The following C8orf34 variants were observed in gnomAD, a reference collection of about 807,000 sequenced individuals.
The protein encoded by C8orf34 is uncharacterized protein C8orf34.
A neutral mutation model predicts 68.3 loss-of-function variants in C8orf34; 65 were observed. The observed-to-expected ratio is 0.95, with a 90% CI of 0.78 to 1.17. The LOEUF (loss-of-function observed/expected upper bound fraction) is 1.17, where lower values mean the gene tolerates loss of function less well. Among genes scored for constraint, C8orf34 ranks in the 50% most tolerant of loss-of-function variants. C8orf34 has a pLI of 0.00. For synonymous variants in C8orf34, 244 were observed against 241.2 expected, an observed-to-expected ratio of 1.01 and a Z score of -0.11; for missense variants, 664 against 655.4, an observed-to-expected ratio of 1.01 and a Z score of -0.14.
intron 7 of C8orf34, among the ~76,000 whole-genome samples, chr8:68,584,493 G>A (rs114165544): frequency 0.015 from 2,214 of 152,130 alleles, 51 homozygotes; most frequent in African/African-American, 0.05. Flanking sequence ...ATGTATATTT[G>A]AAATATATTC....
intron 4 of C8orf34, among the ~76,000 whole-genome samples, chr8:68,481,844 G>A (rs1350432494): frequency 2.0e-5 from 3 of 152,188 alleles, no homozygotes; most frequent in Non-Finnish European, 4.4e-5. Context: ...AGGCTCATAT[G>A]TAGAAGGGAC....
chr8:68,623,451 TG>T (rs1337612817), intron 7 of C8orf34, among the ~76,000 whole-genome samples: 5 of 152,140 alleles, frequency 3.3e-5, no homozygotes, highest in African/African-American at 9.7e-5. Flanking sequence ...CTCCAGACAT[TG>T]TCCCAATGTT....
intron 1 of C8orf34, among the ~76,000 whole-genome samples, chr8:68,429,287 T>C (rs1389284016): frequency 6.6e-6 from 1 of 152,130 alleles, no homozygotes; most frequent in East Asian, 1.9e-4. Flanking sequence ...GAAGGACCAT[T>C]GAATATATGA....
chr8:68,747,804 T>C (rs944002937), intron 10 of C8orf34, among the ~76,000 whole-genome samples: 13 of 151,264 alleles, frequency 8.6e-5, no homozygotes, highest in African/African-American at 2.9e-4. Flanking sequence ...AAAATGGCCA[T>C]ACTGCCCAAG....
intron 5 of C8orf34, among the ~76,000 whole-genome samples, chr8:68,499,656 G>A (rs7000143): frequency 0.058 from 8,890 of 152,172 alleles, 453 homozygotes; most frequent in East Asian, 0.21. Flanking sequence ...GTGAATTCCA[G>A]GATATTCCCC....
At chr8:68,464,327 A>C (rs1812000866) in intron 3 of C8orf34, among the ~76,000 whole-genome samples, 1 of 152,214 alleles carries the variant, frequency 6.6e-6, no homozygotes, top group African/African-American at 2.4e-5. Flanking sequence ...AGAATATTCC[A>C]TGCTCATGGG....
intron 10 of C8orf34, among the ~76,000 whole-genome samples, chr8:68,772,633 A>T (rs1354715504): frequency 3.3e-5 from 5 of 152,296 alleles, no homozygotes; most frequent in Admixed American, 3.3e-4. Context: ...ACAATAAGTG[A>T]AACCACATTT....
At chr8:68,635,113 G>T (rs902696993) in intron 7 of C8orf34, among the ~76,000 whole-genome samples, 3 of 152,098 alleles carry the variant, frequency 2.0e-5, no homozygotes, top group Non-Finnish European at 2.9e-5. Context: ...ACTCAAATTT[G>T]CACATGAAAG....
chr8:68,664,418 AT>A (rs1264719093), intron 8 of C8orf34, among the ~76,000 whole-genome samples: 6 of 152,216 alleles, frequency 3.9e-5, no homozygotes, highest in African/African-American at 1.4e-4. Flanking sequence ...CTGCCATGAG[AT>A]GATGCAAAAG....
chr8:68,680,951 G>A (rs1306750982), intron 8 of C8orf34, among the ~76,000 whole-genome samples: 1 of 152,094 alleles, frequency 6.6e-6, no homozygotes, highest in African/African-American at 2.4e-5. Flanking sequence ...CCCCAGGAAT[G>A]CATTCCTTTC....
At chr8:68,358,908 A>G (rs926938687) in intron 1 of C8orf34, among the ~76,000 whole-genome samples, 5 of 151,778 alleles carry the variant, frequency 3.3e-5, no homozygotes, top group African/African-American at 1.2e-4. Flanking sequence ...GTTGTTGGTC[A>G]CTCTGGCATC....
chr8:68,629,678 A>C (rs559996802), intron 7 of C8orf34, among the ~76,000 whole-genome samples: 3 of 152,330 alleles, frequency 2.0e-5, no homozygotes, highest in African/African-American at 7.2e-5. Flanking sequence ...CTGAGATTAT[A>C]ATAATAAATG....
At chr8:68,451,390 C>T (rs72664959) in intron 3 of C8orf34, among the ~76,000 whole-genome samples, 3,857 of 152,202 alleles carry the variant, frequency 0.025, 84 homozygotes, top group East Asian at 0.096. Flanking sequence ...GCTAAATGTT[C>T]GGCACCAGAG....
intron 1 of C8orf34, among the ~76,000 whole-genome samples, chr8:68,345,453 T>G (rs1056785902): frequency 1.3e-5 from 2 of 152,004 alleles, no homozygotes; most frequent in African/African-American, 4.8e-5. Flanking sequence ...TAGGCAGACT[T>G]AAAATATTTC....
intron 4 of C8orf34, among the ~76,000 whole-genome samples, chr8:68,472,622 T>C (rs1208219085): frequency 3.9e-5 from 6 of 152,160 alleles, no homozygotes; most frequent in African/African-American, 7.2e-5. Context: ...TATTCACTTA[T>C]AGCATGCTTC....
intron 5 of C8orf34, among the ~76,000 whole-genome samples, chr8:68,511,995 T>A (rs1225412491): frequency 6.6e-6 from 1 of 152,224 alleles, no homozygotes; most frequent in East Asian, 1.9e-4. Context: ...ATGAAGTGTT[T>A]TTTTTCTTTA....
Position 68,634,231 on chromosome 8 carries a change from T to C in C8orf34, c.1106-6145T>C, listed in dbSNP as rs181542882. Among the ~76,000 whole-genome samples, 163 of 152,344 alleles carry C rather than the reference T, an allele frequency of 1.1e-3. 1 individual carries two copies. Among genetic ancestry groups the C allele is most frequent in the African/African-American group, 2.6e-3 (107 of 41,590 alleles). ...GTGGCATAAGTGGGCATCTTTCACA[T>C]TGGAATTTCATTTTTTGTGTTTTTA... is the stretch of plus-strand genomic sequence containing the variant. On this transcript the variant is annotated intron_variant, in intron 7 of 13. Coordinates refer to ENST00000518698, the MANE Select transcript of C8orf34 (RefSeq NM_052958.4).
chr8:68,471,202 C>T (rs1465020187), intron 4 of C8orf34, among the ~76,000 whole-genome samples: 1 of 152,126 alleles, frequency 6.6e-6, no homozygotes, highest in East Asian at 1.9e-4. Context: ...AGGGACTCTA[C>T]TGTTTTAGGG....
intron 10 of C8orf34, among the ~76,000 whole-genome samples, chr8:68,724,744 A>T (rs1470470356): frequency 6.6e-6 from 1 of 152,198 alleles, no homozygotes; most frequent in Non-Finnish European, 1.5e-5. Flanking sequence ...AAAATACCAA[A>T]TAGGCAGGTA....
Sources: allele counts gnomAD v4.1 joint callset (sites outside exome capture counted in the v4.1 genomes callset), GRCh38; gene constraint gnomAD v4.1.1; transcripts MANE v1.5; gene names NCBI Gene and HGNC (gene_info 2026-07-23, HGNC 2026-07-21).